OPCML: variants seen among roughly 807,000 people sequenced by gnomAD.
OPCML encodes opioid-binding protein/cell adhesion molecule.
Under a neutral mutation model 37.8 loss-of-function variants are expected in OPCML, and 13 were observed. That is an observed-to-expected ratio of 0.34 (90% CI 0.22 to 0.55). The LOEUF (loss-of-function observed/expected upper bound fraction) is 0.55, where lower values mean the gene tolerates loss of function less well. OPCML is among the 20% of genes least tolerant of loss of function. OPCML has a pLI of 0.91. For synonymous variants in OPCML, 176 were observed against 168.8 expected, an observed-to-expected ratio of 1.04 and a Z score of -0.33; for missense variants, 341 against 435.6, an observed-to-expected ratio of 0.78 and a Z score of 1.93.
At chr11:133,055,108 ACAAT>A (rs1948205268) in intron 1 of OPCML, among the ~76,000 whole-genome samples, 1 of 150,970 alleles carries the variant, frequency 6.6e-6, no homozygotes, top group Non-Finnish European at 1.5e-5. Context: ...CCTCTACCGT[ACAAT>A]GCTGCCTCCA....
chr11:132,979,835 G>A (rs1357519361), intron 1 of OPCML, among the ~76,000 whole-genome samples: 1 of 152,162 alleles, frequency 6.6e-6, no homozygotes, highest in African/African-American at 2.4e-5. Context: ...TGAGAAGGAA[G>A]GGATGCTGAT....
intron 1 of OPCML, among the ~76,000 whole-genome samples, chr11:133,059,109 A>T (rs1376721513): frequency 6.6e-6 from 1 of 152,228 alleles, no homozygotes; most frequent in Non-Finnish European, 1.5e-5. Context: ...CATGGTCCGA[A>T]CATTGATTTT....
intron 2 of OPCML, among the ~76,000 whole-genome samples, chr11:132,762,793 G>A (rs750839987): frequency 6.6e-6 from 1 of 152,098 alleles, no homozygotes; most frequent in Non-Finnish European, 1.5e-5. Context: ...TCGGCTCCCT[G>A]GCTTCAGCCC....
intron 4 of OPCML, among the ~76,000 whole-genome samples, chr11:132,511,460 C>T (rs2096268741): frequency 6.6e-6 from 1 of 151,834 alleles, no homozygotes; most frequent in Non-Finnish European, 1.5e-5. Flanking sequence ...CATAGATTGG[C>T]CACTATTTTG....
At chr11:132,567,279 T>A (rs1286082961) in intron 3 of OPCML, among the ~76,000 whole-genome samples, 2 of 152,228 alleles carry the variant, frequency 1.3e-5, no homozygotes, top group Non-Finnish European at 2.9e-5. Flanking sequence ...ACGCTCATCA[T>A]TGCAATCAGC....
chr11:133,262,256 G>C (rs1022787598), intron 1 of OPCML, among the ~76,000 whole-genome samples: 9 of 152,096 alleles, frequency 5.9e-5, no homozygotes, highest in African/African-American at 2.2e-4. Context: ...GTTAGTAATA[G>C]GATTCTCCCT....
chr11:133,202,167 C>A (rs77506153), intron 1 of OPCML, among the ~76,000 whole-genome samples: 2 of 152,140 alleles, frequency 1.3e-5, no homozygotes, highest in Non-Finnish European at 2.9e-5. Flanking sequence ...GCCGAGGTAA[C>A]GTTGCCCAGA....
intron 1 of OPCML, among the ~76,000 whole-genome samples, chr11:133,113,858 C>A (rs1163061920): frequency 1.3e-5 from 2 of 152,190 alleles, no homozygotes; most frequent in Admixed American, 1.3e-4. Flanking sequence ...ATATTGAATT[C>A]TTTCTTCATT....
chr11:133,426,715 C>A (rs1000428381), intron 1 of OPCML, among the ~76,000 whole-genome samples: 2 of 152,176 alleles, frequency 1.3e-5, no homozygotes, highest in Non-Finnish European at 2.9e-5. Flanking sequence ...AATGGTGATT[C>A]TCTTTTAGAT....
intron 1 of OPCML, among the ~76,000 whole-genome samples, chr11:133,402,484 G>A (rs1945427706): frequency 6.6e-6 from 1 of 152,146 alleles, no homozygotes; most frequent in Non-Finnish European, 1.5e-5. Context: ...GAGAAGCAAG[G>A]CAGCTAGCTG....
chr11:132,607,545 G>A (rs942461132), intron 3 of OPCML, among the ~76,000 whole-genome samples: 1 of 152,170 alleles, frequency 6.6e-6, no homozygotes, highest in Non-Finnish European at 1.5e-5. Flanking sequence ...GAAGCCCACA[G>A]TGTATATTTG....
chr11:133,044,459 TA>T (rs1315805780), intron 1 of OPCML, among the ~76,000 whole-genome samples: 2 of 152,244 alleles, frequency 1.3e-5, no homozygotes, highest in East Asian at 3.9e-4. Context: ...GGAAATCGGC[TA>T]GCCCAGTTTA....
rs138454560 is a variant in OPCML at position 132,499,956 on chromosome 11, C to T, written c.505+29105G>A. 1.4e-3 allele frequency among the ~76,000 whole-genome samples: 216 copies of T among 152,312 alleles called. 1 individual carries two copies. The highest frequency in any genetic ancestry group is 2.7e-3 in the Non-Finnish European group (181 of 68,024). On this transcript the variant is annotated intron_variant, in intron 4 of 7. Coordinates refer to ENST00000524381, the MANE Select transcript of OPCML (RefSeq NM_001012393.5). ...AGAACCCAAGTATAGGCCTATTTATCTTGTCTGTGGCTTAAAGTCACATTT... is the reference window on the plus strand; with the variant it reads ...AGAACCCAAGTATAGGCCTATTTATTTTGTCTGTGGCTTAAAGTCACATTT...
At chr11:133,479,366 C>T (rs1947324768) in intron 1 of OPCML, among the ~76,000 whole-genome samples, 2 of 152,194 alleles carry the variant, frequency 1.3e-5, no homozygotes, top group Non-Finnish European at 1.5e-5. Flanking sequence ...GCATACCACA[C>T]CAAATGTAAG....
intron 2 of OPCML, among the ~76,000 whole-genome samples, chr11:132,688,664 G>T (rs184288856): frequency 5.9e-5 from 9 of 151,874 alleles, no homozygotes; most frequent in Admixed American, 1.3e-4. Flanking sequence ...CAGCAAGAGA[G>T]CATATTATCT....
At position 133,254,749 on chromosome 11, in the gene OPCML, T is replaced by C. The variant is rs139980117; in HGVS notation, c.61+277515A>G. On this transcript the variant is annotated intron_variant, in intron 1 of 7. Transcript: ENST00000524381. ...GGGCAATTGTGTGTCTGGGAACAGC[T>C]GGAGAGAGTCAAGTTTGCAGGGGAG... 4.9e-4 allele frequency among the ~76,000 whole-genome samples: 75 copies of C among 152,270 alleles called. 2 individuals carry two copies. Among genetic ancestry groups the C allele is most frequent in the Admixed American group, 2.5e-3 (39 of 15,296 alleles).
chr11:133,419,191 T>C, intron 1 of OPCML: 2 of 972,608 alleles, frequency 2.1e-6, no homozygotes, highest in South Asian at 9.5e-5. Context: ...AAGTTGGCTT[T>C]TTCTGTGCAA....
rs558848639 is a variant in OPCML, at chr11:132,878,866, C to T, written c.146+64060G>A. ...TTCTCTGCAGATATTATGATGGGTA[C>T]GTCATAGAGCATGATTAGAATTCAA... On this transcript the variant is annotated intron_variant, in intron 2 of 7. Transcript: ENST00000524381. 1.3e-3 allele frequency among the ~76,000 whole-genome samples: 203 copies of T among 152,216 alleles called. 1 individual carries two copies. Among genetic ancestry groups the T allele is most frequent in the African/African-American group, 4.7e-3 (195 of 41,546 alleles).
At chr11:133,221,170 C>T (rs1177502202) in intron 1 of OPCML, among the ~76,000 whole-genome samples, 1 of 152,190 alleles carries the variant, frequency 6.6e-6, no homozygotes, top group African/African-American at 2.4e-5. Context: ...CCGTCAACCA[C>T]CCCCTTAGCA....
Sources: allele counts gnomAD v4.1 joint callset (sites outside exome capture counted in the v4.1 genomes callset), GRCh38; gene constraint gnomAD v4.1.1; transcripts MANE v1.5; gene names NCBI Gene and HGNC (gene_info 2026-07-23, HGNC 2026-07-21).